The following MEIKIN variants were observed in gnomAD, a reference collection of about 807,000 sequenced individuals.
MEIKIN encodes the protein meiotic kinetochore factor.
At chr5:131,899,900 G>T (rs1751127130) in intron 8 of MEIKIN, among the ~76,000 whole-genome samples, 1 of 152,106 alleles carries the variant, frequency 6.6e-6, no homozygotes, top group South Asian at 2.1e-4. Context: ...TTTCAGCACT[G>T]GACAGATCTT....
At chr5:131,941,844 A>C (rs941132031) in intron 4 of MEIKIN, among the ~76,000 whole-genome samples, 18 of 152,222 alleles carry the variant, frequency 1.2e-4, no homozygotes, top group African/African-American at 4.3e-4. Flanking sequence ...CACAAGCCAG[A>C]AACAGTAGTC....
intron 12 of MEIKIN, among the ~76,000 whole-genome samples, chr5:131,817,476 C>A (rs1337646589): frequency 6.6e-6 from 1 of 151,704 alleles, no homozygotes; most frequent in Non-Finnish European, 1.5e-5. Context: ...ATTAGCCGGG[C>A]GTGGTGGCGG....
At chr5:131,839,929 G>A (rs1749874780) in intron 11 of MEIKIN, among the ~76,000 whole-genome samples, 2 of 152,182 alleles carry the variant, frequency 1.3e-5, no homozygotes, top group South Asian at 4.1e-4. Flanking sequence ...TGTTTGTGTG[G>A]TTGCTTTATA....
intron 11 of MEIKIN, among the ~76,000 whole-genome samples, chr5:131,845,959 C>G (rs1050651869): frequency 8.5e-5 from 13 of 152,092 alleles, no homozygotes; most frequent in African/African-American, 3.1e-4. Flanking sequence ...GTAAGATGAA[C>G]TGAAAGACAC....
At chr5:131,821,945 T>A (rs1749515474) in intron 11 of MEIKIN, among the ~76,000 whole-genome samples, 1 of 152,124 alleles carries the variant, frequency 6.6e-6, no homozygotes, top group Non-Finnish European at 1.5e-5. Flanking sequence ...GCTCTACTAA[T>A]ATTTGCTTTA....
chr5:131,890,746 T>A (rs1434080989), intron 8 of MEIKIN, among the ~76,000 whole-genome samples: 1 of 152,248 alleles, frequency 6.6e-6, no homozygotes, highest in South Asian at 2.1e-4. Context: ...ACTTATTTCT[T>A]GCCTTCTTCT....
At chr5:131,856,781 GT>G (rs1015757339) in intron 9 of MEIKIN, among the ~76,000 whole-genome samples, 59 of 151,178 alleles carry the variant, frequency 3.9e-4, no homozygotes, top group African/African-American at 1.3e-3. Context: ...TCTTAGATTT[GT>G]TAAAATATAT....
chr5:131,852,982 T>C (rs1442487560), intron 10 of MEIKIN, among the ~76,000 whole-genome samples: 2 of 152,104 alleles, frequency 1.3e-5, no homozygotes, highest in Non-Finnish European at 2.9e-5. Context: ...AAAGTATTGA[T>C]TTTTGGGCCA....
chr5:131,893,588 A>G (rs1156243098), intron 8 of MEIKIN, among the ~76,000 whole-genome samples: 4 of 152,136 alleles, frequency 2.6e-5, no homozygotes, highest in African/African-American at 4.8e-5. Context: ...GGTGTGCTGC[A>G]CCCACTGTCC....
intron 8 of MEIKIN, among the ~76,000 whole-genome samples, chr5:131,898,105 G>A (rs541133280): frequency 8.5e-5 from 13 of 152,230 alleles, no homozygotes; most frequent in South Asian, 2.1e-4. Flanking sequence ...TGTCCTTTTC[G>A]TTGATGTTGA....
chr5:131,939,238 TA>T (rs1751830892), intron 4 of MEIKIN, among the ~76,000 whole-genome samples: 1 of 152,182 alleles, frequency 6.6e-6, no homozygotes, highest in Non-Finnish European at 1.5e-5. Context: ...ATCTAACTGT[TA>T]CTTTTGAAGA....
chr5:131,844,343 T>C (rs1291571279), intron 11 of MEIKIN, among the ~76,000 whole-genome samples: 1 of 152,166 alleles, frequency 6.6e-6, no homozygotes. Context: ...TTCAAGACAC[T>C]GGACATCAGA....
At chr5:131,813,618 G>A (rs376468669) in intron 12 of MEIKIN, among the ~76,000 whole-genome samples, 3 of 151,782 alleles carry the variant, frequency 2.0e-5, no homozygotes, top group South Asian at 4.2e-4. Flanking sequence ...TAGTAGAGAC[G>A]GGGTTTCACT....
At chr5:131,829,743 A>G (rs1580862485) in intron 11 of MEIKIN, among the ~76,000 whole-genome samples, 1 of 152,236 alleles carries the variant, frequency 6.6e-6, no homozygotes, top group African/African-American at 2.4e-5. Context: ...AAGATCACAA[A>G]GACAAAGGGG....
At position 131,893,442 on chromosome 5, in the gene MEIKIN, G is replaced by A. The variant is rs544601568; in HGVS notation, c.704-14394C>T. Among the ~76,000 whole-genome samples, 52 of 152,332 alleles carry A rather than the reference G, an allele frequency of 3.4e-4. 1 individual carries two copies. Among genetic ancestry groups the A allele is most frequent in the Admixed American group, 2.0e-3 (30 of 15,308 alleles). On this transcript the variant is annotated intron_variant, in intron 8 of 12. Transcript: ENST00000442687. ...GCCATTTGTGAAGCCCGTTGGAAAA[G>A]CGCAGTATTAGCGTGGGAGCGACCC...
At chr5:131,911,681 C>G (rs1347949872) in intron 8 of MEIKIN, 134 bp downstream of exon 8, 5 of 380,244 alleles carry the variant, frequency 1.3e-5, no homozygotes. Context: ...TACAACCAAG[C>G]TAAAAAGTAC....
intron 10 of MEIKIN, among the ~76,000 whole-genome samples, chr5:131,852,115 G>C (rs1014938513): frequency 2.6e-5 from 4 of 152,074 alleles, no homozygotes; most frequent in Non-Finnish European, 5.9e-5. Context: ...AGTTGATTTG[G>C]TTTGGCTGTG....
chr5:131,867,300 C>T (rs568821210), intron 9 of MEIKIN, among the ~76,000 whole-genome samples: 9 of 152,204 alleles, frequency 5.9e-5, no homozygotes, highest in African/African-American at 2.2e-4. Flanking sequence ...ACATGTAAAG[C>T]CTCTCCTGCT....
intron 8 of MEIKIN, among the ~76,000 whole-genome samples, chr5:131,903,167 C>G (rs1419253364): frequency 6.6e-6 from 1 of 152,108 alleles, no homozygotes; most frequent in Non-Finnish European, 1.5e-5. Flanking sequence ...GAGGCCTAAT[C>G]TATGAGTCAT....
Sources: allele counts gnomAD v4.1 joint callset (sites outside exome capture counted in the v4.1 genomes callset), GRCh38; gene constraint gnomAD v4.1.1; transcripts MANE v1.5; gene names NCBI Gene and HGNC (gene_info 2026-07-23, HGNC 2026-07-21).